The following MIPOL1 variants were observed in gnomAD, a reference collection of about 807,000 sequenced individuals.
MIPOL1 encodes the protein mirror-image polydactyly 1.
MIPOL1 carries 57 observed loss-of-function variants against 60.9 expected under a neutral mutation model. That is an observed-to-expected ratio of 0.94 (90% CI 0.76 to 1.17). The LOEUF is 1.17. Among genes scored for constraint, MIPOL1 ranks in the 50% most tolerant of loss-of-function variants. The pLI is 0.00. For missense variants in MIPOL1, 551 were observed against 511.6 expected, an observed-to-expected ratio of 1.08 and a Z score of -0.74; for synonymous variants, 179 against 168.8, an observed-to-expected ratio of 1.06 and a Z score of -0.47.
At chr14:37,384,510 A>G (rs546560832) in intron 10 of MIPOL1, among the ~76,000 whole-genome samples, 8 of 152,020 alleles carry the variant, frequency 5.3e-5, no homozygotes, top group Admixed American at 2.6e-4. Flanking sequence ...CAAAGAAACT[A>G]CCAGTTTTTT....
intron 11 of MIPOL1, among the ~76,000 whole-genome samples, chr14:37,477,835 A>G (rs1024762169): frequency 2.6e-5 from 4 of 152,250 alleles, no homozygotes; most frequent in Non-Finnish European, 5.9e-5. Flanking sequence ...ATGCATGAAC[A>G]GCAGGTCACT....
chr14:37,453,176 G>A (rs1321639967), intron 11 of MIPOL1, among the ~76,000 whole-genome samples: 1 of 152,138 alleles, frequency 6.6e-6, no homozygotes, highest in East Asian at 1.9e-4. Context: ...TTAGGCATAT[G>A]ATAGGCCGTT....
At chr14:37,496,118 A>G (rs1269240364) in intron 11 of MIPOL1, among the ~76,000 whole-genome samples, 1 of 152,010 alleles carries the variant, frequency 6.6e-6, no homozygotes, top group East Asian at 1.9e-4. Context: ...GCTGTGCAGA[A>G]GCTCTTTAAT....
chr14:37,535,264 C>T (rs2095500851), intron 12 of MIPOL1, among the ~76,000 whole-genome samples: 1 of 152,078 alleles, frequency 6.6e-6, no homozygotes, highest in Admixed American at 6.6e-5. Context: ...GCCTTGTCTA[C>T]TTTTGATATT....
intron 11 of MIPOL1, among the ~76,000 whole-genome samples, chr14:37,486,335 A>C (rs982714141): frequency 1.3e-5 from 2 of 152,072 alleles, no homozygotes; most frequent in African/African-American, 2.4e-5. Context: ...TTTGGTTCCA[A>C]ATGAAATTTA....
At chr14:37,485,121 G>C (rs2094927773) in intron 11 of MIPOL1, among the ~76,000 whole-genome samples, 1 of 152,066 alleles carries the variant, frequency 6.6e-6, no homozygotes, top group South Asian at 2.1e-4. Flanking sequence ...GTGTTAGTTT[G>C]CTGAGAATGA....
At chr14:37,383,756 A>G (rs2092990399) in intron 10 of MIPOL1, among the ~76,000 whole-genome samples, 1 of 151,874 alleles carries the variant, frequency 6.6e-6, no homozygotes. Flanking sequence ...AATTACCTTC[A>G]CCTTTTGAGA....
At chr14:37,235,085 C>T (rs1971264742) in intron 1 of MIPOL1, among the ~76,000 whole-genome samples, 1 of 152,010 alleles carries the variant, frequency 6.6e-6, no homozygotes, top group Admixed American at 6.6e-5. Context: ...GCCATTGTGC[C>T]CAGCCAGCTG....
At chr14:37,330,955 T>G (rs2089629804) in intron 9 of MIPOL1, among the ~76,000 whole-genome samples, 1 of 152,154 alleles carries the variant, frequency 6.6e-6, no homozygotes, top group African/African-American at 2.4e-5. Context: ...ATATTGAATA[T>G]TTACCTTTTT....
chr14:37,544,182 T>C (rs1229085063), intron 12 of MIPOL1, among the ~76,000 whole-genome samples: 1 of 152,070 alleles, frequency 6.6e-6, no homozygotes, highest in South Asian at 2.1e-4. Context: ...AAAGAAAAGA[T>C]GATAAAATAC....
At chr14:37,448,246 T>C (rs918786925) in intron 11 of MIPOL1, among the ~76,000 whole-genome samples, 1 of 152,244 alleles carries the variant, frequency 6.6e-6, no homozygotes, top group Non-Finnish European at 1.5e-5. Flanking sequence ...AGGGAGTCTC[T>C]GCACTATAGC....
At chr14:37,200,263 G>GT (rs774138572) in intron 1 of MIPOL1, among the ~76,000 whole-genome samples, 55 of 152,172 alleles carry the variant, frequency 3.6e-4, no homozygotes, top group Admixed American at 9.8e-4. Context: ...ATTCTTTTCT[G>GT]TTTTTTTCCT....
chr14:37,419,704 G>C (rs2093836796), intron 10 of MIPOL1, among the ~76,000 whole-genome samples: 1 of 151,814 alleles, frequency 6.6e-6, no homozygotes, highest in African/African-American at 2.4e-5. Context: ...AAAGGGATGT[G>C]ACTGATGAGT....
intron 11 of MIPOL1, among the ~76,000 whole-genome samples, chr14:37,437,070 T>A (rs1374712452): frequency 6.6e-6 from 1 of 152,186 alleles, no homozygotes; most frequent in African/African-American, 2.4e-5. Flanking sequence ...AGGTTTAATT[T>A]ACTATTCTGT....
chr14:37,240,926 GACACACACACACATAC>G (rs1972243337), intron 1 of MIPOL1, among the ~76,000 whole-genome samples: 1 of 136,150 alleles, frequency 7.3e-6, no homozygotes, highest in Non-Finnish European at 1.5e-5. Context: ...ACCAGTAGGT[GACACACACACACATAC>G]ACACACACAC....
In MIPOL1 at chr14:37,301,366, CTATT is replaced by C. The variant is rs2086293684; in HGVS notation, c.624-6687_624-6684del. Among the ~76,000 whole-genome samples the C allele has an allele frequency of 1.3e-4, 2 of 15,772 alleles. 1 individual carries two copies. Among genetic ancestry groups the C allele is most frequent in the East Asian group, 1 (2 of 2 alleles). The allele number at this position is 15,772 out of a possible 152,430, so 10.3% of individuals were successfully genotyped here. A position where few individuals can be genotyped will look rare whatever the true frequency, so the allele number is the denominator to read the frequency against. On this transcript the variant is annotated intron_variant, in intron 7 of 12. Coordinates refer to ENST00000684589, the MANE Select transcript of MIPOL1 (RefSeq NM_001388067.1). ...AAAACTGGCCCCCACCAACCACCAT[CTATT>C]TACTTATTTGTTGAAACCCAGTATA...
rs546019594 is a variant in MIPOL1, at chr14:37,457,800, G to A, written c.1031+34851G>A. Reference sequence around the variant, plus strand: ...ATTACCCAAATCAGACAATTTCTGAGGAAACATATAACTAAATCACCTGTA... The same window carrying A: ...ATTACCCAAATCAGACAATTTCTGAAGAAACATATAACTAAATCACCTGTA... On this transcript the variant is annotated intron_variant, in intron 11 of 12. Coordinates refer to ENST00000684589, the MANE Select transcript of MIPOL1 (RefSeq NM_001388067.1). Among the ~76,000 whole-genome samples, 69 of 152,170 alleles carry A rather than the reference G, an allele frequency of 4.5e-4. 1 individual carries two copies. The South Asian group carries it at 0.014, about 32-fold the overall frequency.
At chr14:37,409,891 T>A (rs1166522101) in intron 10 of MIPOL1, among the ~76,000 whole-genome samples, 2 of 152,036 alleles carry the variant, frequency 1.3e-5, no homozygotes, top group Non-Finnish European at 2.9e-5. Context: ...TATTAAGAGA[T>A]TTACAGTGAG....
At chr14:37,473,394 G>A (rs1281339490) in intron 11 of MIPOL1, among the ~76,000 whole-genome samples, 2 of 151,834 alleles carry the variant, frequency 1.3e-5, no homozygotes, top group Non-Finnish European at 2.9e-5. Flanking sequence ...CCCGCCTCAG[G>A]TATTATTTTA....
Sources: allele counts gnomAD v4.1 joint callset (sites outside exome capture counted in the v4.1 genomes callset), GRCh38; gene constraint gnomAD v4.1.1; transcripts MANE v1.5; gene names NCBI Gene and HGNC (gene_info 2026-07-23, HGNC 2026-07-21).